Variants in DYNC2H1 observed in about 807,000 individuals in gnomAD.
DYNC2H1 encodes cytoplasmic dynein 2 heavy chain 1.
In DYNC2H1, 410 loss-of-function variants were observed where a neutral mutation model predicts 570.0. The observed-to-expected ratio is 0.72, with a 90% CI of 0.66 to 0.78. The LOEUF is 0.78. DYNC2H1 is among the 30% of genes least tolerant of loss of function. DYNC2H1 has a pLI of 0.00. For missense variants in DYNC2H1, 4,865 were observed against 5,046.4 expected, an observed-to-expected ratio of 0.96 and a Z score of 1.09; for synonymous variants, 1,688 against 1,677.6, an observed-to-expected ratio of 1.01 and a Z score of -0.15.
rs1260591618 is a variant in DYNC2H1, at chr11:103,239,503, A to G, written c.9819+2964A>G. On this transcript the variant is annotated intron_variant, in intron 63 of 88. Coordinates refer to ENST00000375735, the MANE Select transcript of DYNC2H1 (RefSeq NM_001377.3). This position sits in a 1 kb window ranked among gnomAD's most constrained non-coding sequence, Gnocchi z 4.3. Reference sequence around the variant, plus strand: ...CAAATCAACCCAATCTGTTAGATTCATGTGTTATCCCTTTTATAGATAAGG... The same window carrying G: ...CAAATCAACCCAATCTGTTAGATTCGTGTGTTATCCCTTTTATAGATAAGG... Among the ~76,000 whole-genome samples the G allele has an allele frequency of 6.6e-6, 1 of 152,132 alleles. No individual in the cohort carries two copies. The highest frequency in any genetic ancestry group is 1.5e-5 in the Non-Finnish European group (1 of 68,014).
At chr11:103,247,696 A>G (rs775734579) in intron 65 of DYNC2H1, among the ~76,000 whole-genome samples, 2 of 152,030 alleles carry the variant, frequency 1.3e-5, no homozygotes, top group Non-Finnish European at 1.5e-5. Flanking sequence ...GTTCCAACCC[A>G]TGAGTCTCTG....
Position 103,155,502 on chromosome 11 carries a change from G to A in DYNC2H1, c.3744+1G>A, listed in dbSNP as rs781299070. ...TGTAGCCAAAGCTGCCGACCTTAAAGTATGAATCACTTTTATAAATATCCC... is the reference window on the plus strand; with the variant it reads ...TGTAGCCAAAGCTGCCGACCTTAAAATATGAATCACTTTTATAAATATCCC... On this transcript the variant is annotated splice_donor_variant, in intron 25 of 88. Coordinates refer to ENST00000375735, the MANE Select transcript of DYNC2H1 (RefSeq NM_001377.3). LOFTEE classifies it high-confidence loss of function. 2 of 1,602,326 alleles carry A rather than the reference G, an allele frequency of 1.2e-6. No homozygotes were observed. Among genetic ancestry groups the A allele is most frequent in the South Asian group, 2.3e-5 (2 of 87,828 alleles).
At chr11:103,164,867 A>G (rs760757538) in intron 30 of DYNC2H1, among the ~76,000 whole-genome samples, 8 of 152,212 alleles carry the variant, frequency 5.3e-5, no homozygotes, top group Non-Finnish European at 1.2e-4. Context: ...GTTTATTGAT[A>G]TGTATTTATA....
intron 82 of DYNC2H1, among the ~76,000 whole-genome samples, chr11:103,339,616 C>T (rs554485438): frequency 3.8e-4 from 57 of 150,136 alleles, no homozygotes; most frequent in African/African-American, 1.3e-3. Context: ...AGTCTCTGCA[C>T]TGCGTTGCCT....
intron 1 of DYNC2H1, among the ~76,000 whole-genome samples, chr11:103,112,692 A>G (rs1296459534): frequency 6.6e-6 from 1 of 152,208 alleles, no homozygotes; most frequent in African/African-American, 2.4e-5. Flanking sequence ...GGATAGAAAT[A>G]AGTGGCATGA....
In DYNC2H1 at chr11:103,326,737, A is replaced by G. The variant is rs1591582701; in HGVS notation, c.12039+2747A>G. 6.6e-6 allele frequency among the ~76,000 whole-genome samples: 1 copy of G among 152,152 alleles called. No individual in the cohort carries two copies. Among genetic ancestry groups the G allele is most frequent in the Non-Finnish European group, 1.5e-5 (1 of 68,020 alleles). Reference sequence around the variant, plus strand: ...GGCTATGGAGGGGCTCGGCAGTGGGAAGGCCTGCAGAACAGATGTGCCCCA... The same window carrying G: ...GGCTATGGAGGGGCTCGGCAGTGGGGAGGCCTGCAGAACAGATGTGCCCCA... On this transcript the variant is annotated intron_variant, in intron 82 of 88. Coordinates refer to ENST00000375735, the MANE Select transcript of DYNC2H1 (RefSeq NM_001377.3). This position sits in a 1 kb window ranked among gnomAD's most constrained non-coding sequence, Gnocchi z 6.1.
At chr11:103,343,543 C>G (rs1021536014) in intron 82 of DYNC2H1, among the ~76,000 whole-genome samples, 7 of 152,116 alleles carry the variant, frequency 4.6e-5, no homozygotes, top group African/African-American at 1.7e-4. Context: ...CCCCCTCAGG[C>G]AAGCAGGCCT....
rs2134995170 is a variant in DYNC2H1, at chr11:103,177,787, A to C, written c.6106A>C (p.Asn2036His). ...AGAATGGTCTGATGGTGTTTTGACAAATAGTGCTCGTCAAGTGGTTCGGGA... is the reference window on the plus strand; with the variant it reads ...AGAATGGTCTGATGGTGTTTTGACACATAGTGCTCGTCAAGTGGTTCGGGA... Reference protein sequence around the residue: ...TREWSDGVLTNSARQVVREPQ... With the variant: ...TREWSDGVLTHSARQVVREPQ... Residue 2036 changes from asparagine to histidine, a missense_variant, in exon 38 of 89, where the codon AAT becomes CAT. Around this residue, in one of 5 missense-constraint regions of DYNC2H1, gnomAD observed 231 missense variants for 310.3 expected, o/e 0.74. Transcript: ENST00000375735. This position sits in a 1 kb window ranked among gnomAD's most constrained non-coding sequence, Gnocchi z 4.4. 2 of 1,612,624 alleles carry C rather than the reference A, an allele frequency of 1.2e-6. No individual in the cohort carries two copies. The highest frequency in any genetic ancestry group is 1.1e-5 in the South Asian group (1 of 90,700).
At chr11:103,391,089 T>C (rs972616040) in intron 83 of DYNC2H1, among the ~76,000 whole-genome samples, 12 of 152,344 alleles carry the variant, frequency 7.9e-5, no homozygotes, top group African/African-American at 2.6e-4. Flanking sequence ...TCCTGCAGAG[T>C]GTTTTCCAAC....
chr11:103,159,334 A>T (rs1860979989), intron 28 of DYNC2H1, among the ~76,000 whole-genome samples: 2 of 152,288 alleles, frequency 1.3e-5, no homozygotes, highest in African/African-American at 4.8e-5. Context: ...TGAAGAATGT[A>T]TAGGCCTTAG....
Position 103,177,400 on chromosome 11 carries a change from A to G in DYNC2H1, c.5875-156A>G, listed in dbSNP as rs1214545537. Among the ~76,000 whole-genome samples, 1 of 152,160 alleles carries G rather than the reference A, an allele frequency of 6.6e-6. No homozygotes were observed. The highest frequency in any genetic ancestry group is 1.5e-5 in the Non-Finnish European group (1 of 68,024). Reference sequence around the variant, plus strand: ...AAGATTATATTGTAAATATGTTCAGATTTATTTAGGTAGTCTATTACATTT... The same window carrying G: ...AAGATTATATTGTAAATATGTTCAGGTTTATTTAGGTAGTCTATTACATTT... On this transcript the variant is annotated intron_variant, in intron 37 of 88. Coordinates refer to ENST00000375735, the MANE Select transcript of DYNC2H1 (RefSeq NM_001377.3). The surrounding 1 kb of genome is among the most constrained non-coding windows in gnomAD (Gnocchi z 4.4).
chr11:103,147,499 A>C (rs557137291), intron 18 of DYNC2H1, among the ~76,000 whole-genome samples: 1 of 152,278 alleles, frequency 6.6e-6, no homozygotes. Flanking sequence ...TTGACACTTT[A>C]CTAATTCATA....
In DYNC2H1 at chr11:103,351,609, T is replaced by A. The variant is rs1177812261; in HGVS notation, c.12040-6634T>A. Among the ~76,000 whole-genome samples, 54 of 152,320 alleles carry A rather than the reference T, an allele frequency of 3.5e-4. No individual in the cohort carries two copies. The East Asian group carries it at 8.9e-3, about 25-fold the overall frequency. On this transcript the variant is annotated intron_variant, in intron 82 of 88. Coordinates refer to ENST00000375735, the MANE Select transcript of DYNC2H1 (RefSeq NM_001377.3). ...TGAGAAGATTATATATTTTTTCTCC[T>A]TAATTTATGTGATGAAATATAGTTT...
chr11:103,433,779 T>G (rs1263773851), intron 84 of DYNC2H1, among the ~76,000 whole-genome samples: 1 of 152,174 alleles, frequency 6.6e-6, no homozygotes, highest in Non-Finnish European at 1.5e-5. Context: ...TGAGGCTTTT[T>G]GGGTTTGATT....
intron 82 of DYNC2H1, among the ~76,000 whole-genome samples, chr11:103,331,009 A>G (rs59268500): frequency 0.013 from 1,999 of 152,270 alleles, 43 homozygotes; most frequent in African/African-American, 0.045. Context: ...AGCCAGACTA[A>G]CTGCAAATTT....
At position 103,109,785 on chromosome 11, in the gene DYNC2H1, C is replaced by T. The variant is rs1023158887; in HGVS notation, c.195+16C>T. On this transcript the variant is annotated intron_variant, in intron 1 of 88. Coordinates refer to ENST00000375735, the MANE Select transcript of DYNC2H1 (RefSeq NM_001377.3). ...TTCCAACACGGTACGGTTCCTTGCA[C>T]TCCTGCCTGACCCCTGACCACTCTT... 17 of 1,604,754 alleles carry T rather than the reference C, an allele frequency of 1.1e-5. No individual in the cohort carries two copies. The highest frequency in any genetic ancestry group is 1.4e-5 in the Non-Finnish European group (17 of 1,174,380).
chr11:103,396,239 C>T (rs919818910), intron 83 of DYNC2H1, among the ~76,000 whole-genome samples: 2 of 152,192 alleles, frequency 1.3e-5, no homozygotes, highest in Non-Finnish European at 2.9e-5. Flanking sequence ...ATCCCCATAA[C>T]ACCTTGTACA....
intron 71 of DYNC2H1, 163 bp from the exon 72 acceptor site, chr11:103,282,016 A>C (rs1296810120): frequency 5.6e-5 from 31 of 549,616 alleles, no homozygotes; most frequent in Admixed American, 1.1e-4. Context: ...TTGTCACATT[A>C]ATTCATTCTT....
In DYNC2H1 at chr11:103,205,303, A is replaced by G. The variant is rs1862884807; in HGVS notation, c.8454+339A>G. 6.6e-6 allele frequency among the ~76,000 whole-genome samples: 1 copy of G among 152,218 alleles called. No homozygotes were observed. The highest frequency in any genetic ancestry group is 2.4e-5 in the African/African-American group (1 of 41,472). On this transcript the variant is annotated intron_variant, in intron 52 of 88. Transcript: ENST00000375735. This position sits in a 1 kb window ranked among gnomAD's most constrained non-coding sequence, Gnocchi z 4.5. ...TAAAGAATTTTTAAATCCTTAAAAA[A>G]TATCATCACTATGCTGTGTGTTTGG...
Sources: gnomAD v4.1 joint callset for allele counts (sites outside exome capture counted in the v4.1 genomes callset) on GRCh38, gnomAD v4.1.1 for gene constraint, gnomAD v4.1.1 regional missense constraint, Gnocchi (gnomAD v3.1) non-coding constraint, MANE v1.5 for transcripts, NCBI Gene and HGNC (gene_info 2026-07-23, HGNC 2026-07-21) for gene names.